MAP3K2: variants seen among roughly 807,000 people sequenced by gnomAD.
The protein encoded by MAP3K2 is mitogen-activated protein kinase kinase kinase 2, also known as MAP/ERK kinase kinase 2.
Under a neutral mutation model 80.3 loss-of-function variants are expected in MAP3K2, and 24 were observed. That is an observed-to-expected ratio of 0.30 (90% CI 0.22 to 0.42). The LOEUF (loss-of-function observed/expected upper bound fraction) is 0.42. Among genes scored for constraint, MAP3K2 ranks in the 10% least tolerant of loss-of-function variants. MAP3K2 has a pLI of 1.00. For missense variants in MAP3K2, 608 were observed against 750.1 expected, an observed-to-expected ratio of 0.81 and a Z score of 2.21; for synonymous variants, 244 against 253.7, an observed-to-expected ratio of 0.96 and a Z score of 0.36.
At chr2:127,343,030 A>C in intron 2 of MAP3K2, 96 bp downstream of exon 2, 1 of 868,646 alleles carries the variant, frequency 1.2e-6, no homozygotes, top group African/African-American at 1.7e-5. Flanking sequence ...AAATTTATTT[A>C]TAAAAAGGTT....
At position 127,307,876 on chromosome 2, in the gene MAP3K2, G is replaced by A. The variant is rs960512033; in HGVS notation, c.1635-72C>T. ...AGAAAGCTAGTTAGCTAGAAAATGA[G>A]AAACAGGCATTAAGTCCATATATAT... is the stretch of plus-strand genomic sequence containing the variant. On this transcript the variant is annotated intron_variant, in intron 16 of 16. Coordinates refer to ENST00000682094, the MANE Select transcript of MAP3K2 (RefSeq NM_001371910.2). This position sits in a 1 kb window ranked among gnomAD's most constrained non-coding sequence, Gnocchi z 5.4. 1.0e-5 allele frequency: 10 copies of A among 994,452 alleles called. No individual in the cohort carries two copies. The highest frequency in any genetic ancestry group is 4.7e-5 in the Admixed American group (2 of 42,434). The allele number at this position is 994,452 out of a possible 1,614,324, so 61.6% of individuals were successfully genotyped here. A position where few individuals can be genotyped will look rare whatever the true frequency, so the allele number is the denominator to read the frequency against.
intron 4 of MAP3K2, among the ~76,000 whole-genome samples, chr2:127,336,977 CT>C (rs1686385249): frequency 6.6e-6 from 1 of 152,086 alleles, no homozygotes; most frequent in Admixed American, 6.6e-5. Flanking sequence ...CCTATCTCGA[CT>C]AAAAAATACG....
intron 11 of MAP3K2, 26 bp downstream of exon 11, chr2:127,323,876 T>C (rs1192813072): frequency 1.7e-6 from 2 of 1,144,300 alleles, no homozygotes; most frequent in Admixed American, 5.3e-5. Context: ...TTAACTATTC[T>C]TGTGGTCTAA....
chr2:127,388,074 A>G (rs957335039), upstream of MAP3K2: 1 of 982,504 alleles, frequency 1.0e-6, no homozygotes, highest in Admixed American at 6.2e-5. Flanking sequence ...CGCCCGGCCC[A>G]GGGGAGTGGG....
chr2:127,354,149 G>T (rs2104864348), intron 1 of MAP3K2, among the ~76,000 whole-genome samples: 1 of 147,242 alleles, frequency 6.8e-6, no homozygotes, highest in East Asian at 2.0e-4. Context: ...AGAGACCTTT[G>T]TTCACTTGTT....
At chr2:127,376,094 G>A (rs1279398901) in intron 1 of MAP3K2, among the ~76,000 whole-genome samples, 2 of 152,138 alleles carry the variant, frequency 1.3e-5, no homozygotes, top group African/African-American at 2.4e-5. Flanking sequence ...CAGTCAGGGT[G>A]ATGGGAAAAA....
intron 12 of MAP3K2, among the ~76,000 whole-genome samples, chr2:127,319,022 A>G (rs1240163566): frequency 6.6e-6 from 1 of 152,068 alleles, no homozygotes; most frequent in Admixed American, 6.6e-5. Context: ...GACCTCTACC[A>G]TGCACTCATA....
At chr2:127,338,501 C>CA (rs1204348606) in intron 3 of MAP3K2, among the ~76,000 whole-genome samples, 1 of 152,092 alleles carries the variant, frequency 6.6e-6, no homozygotes, top group Admixed American at 6.5e-5. Flanking sequence ...CACCCTCTCG[C>CA]AGGCCCCAGT....
intron 5 of MAP3K2, 64 bp downstream of exon 5, chr2:127,335,806 T>A: frequency 1.2e-6 from 1 of 804,232 alleles, no homozygotes; most frequent in Non-Finnish European, 2.0e-6. Context: ...TTAAAAGCAG[T>A]CTCTTAAACG....
rs1366752200 is a variant in MAP3K2, at chr2:127,321,688, A to C, written c.1045+358T>G. On this transcript the variant is annotated intron_variant, in intron 12 of 16. Transcript: ENST00000682094. This position sits in a 1 kb window ranked among gnomAD's most constrained non-coding sequence, Gnocchi z 4.4. ...AGCTGGTGATTTCTACTCACATTTA[A>C]ATGCTATACAATAATTATTTCTCCA... Among the ~76,000 whole-genome samples the C allele has an allele frequency of 6.6e-6, 1 of 152,166 alleles. No homozygotes were observed. Among genetic ancestry groups the C allele is most frequent in the East Asian group, 1.9e-4 (1 of 5,204 alleles).
chr2:127,369,954 G>C (rs1259664503), intron 1 of MAP3K2, among the ~76,000 whole-genome samples: 2 of 152,188 alleles, frequency 1.3e-5, no homozygotes, highest in Non-Finnish European at 1.5e-5. Flanking sequence ...TTTTACAAAA[G>C]CTTCGGAAAA....
chr2:127,385,410 T>C (rs539849754), intron 1 of MAP3K2, among the ~76,000 whole-genome samples: 1 of 152,206 alleles, frequency 6.6e-6, no homozygotes, highest in East Asian at 1.9e-4. Flanking sequence ...AGGTATATAC[T>C]TTTTTTAGAC....
At chr2:127,318,060 T>TA in intron 13 of MAP3K2, 109 bp downstream of exon 13, 3 of 957,100 alleles carry the variant, frequency 3.1e-6, no homozygotes, top group African/African-American at 3.4e-5. Flanking sequence ...TTTTTTTTTT[T>TA]TTGAAAAAAA....
intron 1 of MAP3K2, among the ~76,000 whole-genome samples, chr2:127,377,100 C>T (rs1687165031): frequency 6.6e-6 from 1 of 151,682 alleles, no homozygotes; most frequent in Non-Finnish European, 1.5e-5. Flanking sequence ...ACCCAATGTT[C>T]ACTCTATTCA....
At chr2:127,351,064 C>T (rs1686683803) in intron 1 of MAP3K2, among the ~76,000 whole-genome samples, 1 of 152,022 alleles carries the variant, frequency 6.6e-6, no homozygotes, top group Admixed American at 6.5e-5. Context: ...TCAAAACTGT[C>T]GAAATCATGA....
Position 127,330,025 on chromosome 2 carries a change from A to G in MAP3K2, c.379-17T>C. 4 of 1,417,722 alleles carry G rather than the reference A, an allele frequency of 2.8e-6. No individual in the cohort carries two copies. Among genetic ancestry groups the G allele is most frequent in the Non-Finnish European group, 4.0e-6 (4 of 1,003,226 alleles). 87.8% of individuals were successfully genotyped at this position (1,417,722 alleles called of 1,614,324 possible). A position where few individuals can be genotyped will look rare whatever the true frequency, so the allele number is the denominator to read the frequency against. ...ATTAGTAGCCTACAAAGGAGAAAAG[A>G]CAGTTAATGCTATTCTTCCTCCTTG... On this transcript the variant is annotated splice_polypyrimidine_tract_variant and intron_variant, in intron 6 of 16. Transcript: ENST00000682094.
rs2104821785 is a variant in MAP3K2, at chr2:127,322,321, T to C, written c.839-69A>G. On this transcript the variant is annotated intron_variant, in intron 11 of 16. Coordinates refer to ENST00000682094, the MANE Select transcript of MAP3K2 (RefSeq NM_001371910.2). This position sits in a 1 kb window ranked among gnomAD's most constrained non-coding sequence, Gnocchi z 4.2. ...GTTATACTTTTAAAGTATTTAAAAT[T>C]TGTAATGTAGAGAATAGAAATTTGT... 9.7e-7 allele frequency: 1 copy of C among 1,030,024 alleles called. No individual in the cohort carries two copies. Among genetic ancestry groups the C allele is most frequent in the South Asian group, 1.7e-5 (1 of 60,492 alleles). The allele number at this position is 1,030,024 out of a possible 1,614,324, so 63.8% of individuals were successfully genotyped here. A position where few individuals can be genotyped will look rare whatever the true frequency, so the allele number is the denominator to read the frequency against.
Position 127,298,934 on chromosome 2 carries a change from TTTATA to T in MAP3K2, c.*8640_*8644del, listed in dbSNP as rs1218985314. On this transcript the variant is annotated 3_prime_UTR_variant, in exon 17 of 17. Coordinates refer to ENST00000682094, the MANE Select transcript of MAP3K2 (RefSeq NM_001371910.2). ...CTAACAAAATATAAACATGGTTTCT[TTTATA>T]TTAGATTTTTTTTTAAAAAAAAGCT... 7.0e-6 allele frequency: 1 copy of T among 142,412 alleles called. No individual in the cohort carries two copies. Among genetic ancestry groups the T allele is most frequent in the African/African-American group, 2.5e-5 (1 of 39,986 alleles). The allele number at this position is 142,412 out of a possible 1,614,324, so 8.8% of individuals were successfully genotyped here.
intron 1 of MAP3K2, among the ~76,000 whole-genome samples, chr2:127,380,407 C>A (rs1687226017): frequency 6.6e-6 from 1 of 152,194 alleles, no homozygotes; most frequent in Non-Finnish European, 1.5e-5. Context: ...TTAAAGTTCA[C>A]ACTAAATGAC....
Sources: allele counts gnomAD v4.1 joint callset (sites outside exome capture counted in the v4.1 genomes callset), GRCh38; gene constraint gnomAD v4.1.1; non-coding constraint Gnocchi (gnomAD v3.1); transcripts MANE v1.5; gene names NCBI Gene and HGNC (gene_info 2026-07-23, HGNC 2026-07-21).